The following CRYBG2 variants were observed in gnomAD, a reference collection of about 807,000 sequenced individuals.
The protein encoded by CRYBG2 is crystallin beta-gamma domain containing 2, also known as beta/gamma crystallin domain-containing protein 2.
In CRYBG2, 106 loss-of-function variants were observed where a neutral mutation model predicts 153.4. The observed-to-expected ratio is 0.69, with a 90% CI of 0.59 to 0.81. The LOEUF (loss-of-function observed/expected upper bound fraction) is 0.81. Ranked by LOEUF, CRYBG2 falls within the 30% of genes least tolerant of loss-of-function variation. The probability of loss-of-function intolerance (pLI) is 0.00; values close to 1 mark genes in which losing one functional copy is unlikely to be tolerated. For missense variants in CRYBG2, 1,996 were observed against 2,112.0 expected (o/e 0.95, Z 1.08); for synonymous variants, 851 against 877.8 (o/e 0.97, Z 0.54).
Position 26,325,604 on chromosome 1 carries a change from CACAGAT to C in CRYBG2, c.4579-1300_4579-1295del, listed in dbSNP as rs2073913766. The stretch of plus-strand genomic sequence containing the variant: ...AAAATTAAAAAAATGAATGCACTCC[CACAGAT>C]ACACACACACACACACACACACACA... On this transcript the variant is annotated intron_variant, in intron 17 of 19. Coordinates refer to ENST00000308182, the MANE Select transcript of CRYBG2 (RefSeq NM_001039775.4). This position sits in a 1 kb window ranked among gnomAD's most constrained non-coding sequence, Gnocchi z 4.1. Among the ~76,000 whole-genome samples the C allele has an allele frequency of 1.2e-5, 1 of 84,072 alleles. No homozygotes were observed. The highest frequency in any genetic ancestry group is 2.6e-4 in the South Asian group (1 of 3,886). 55.2% of individuals were successfully genotyped at this position (84,072 alleles called of 152,430 possible).
rs1440831227 is a variant in CRYBG2 at position 26,336,160 on chromosome 1, G to T, written c.4119C>A (p.Phe1373Leu). The change falls in exon 14 of 20, where the codon TTC becomes TTA. Residue 1373 changes from phenylalanine to leucine, a missense_variant. Phe to Leu is a conservative substitution (Grantham distance 22). Coordinates refer to ENST00000308182, the MANE Select transcript of CRYBG2 (RefSeq NM_001039775.4). The surrounding 1 kb of genome is among the most constrained non-coding windows in gnomAD (Gnocchi z 4.9). ...CGGGCAGAGCGGCCTGGTCATCTTC[G>T]AAAGAGAAGTGGTCGCCCAGAAAGT... is the stretch of plus-strand genomic sequence containing the variant. ...RPDFLGDHFS[F>L]EDDQAALPAS... is the part of the protein sequence containing the mutation. 1 of 1,545,998 alleles carries T rather than the reference G, an allele frequency of 6.5e-7. No individual in the cohort carries two copies. Among genetic ancestry groups the T allele is most frequent in the African/African-American group, 1.4e-5 (1 of 73,302 alleles).
intron 14 of CRYBG2, among the ~76,000 whole-genome samples, chr1:26,334,649 G>C (rs998362567): frequency 1.3e-5 from 2 of 152,164 alleles, no homozygotes; most frequent in Admixed American, 6.5e-5. Flanking sequence ...AAGAAGCCAG[G>C]CACGGTGGCT....
At chr1:26,332,788 G>A (rs1265677041) in intron 14 of CRYBG2, among the ~76,000 whole-genome samples, 3 of 151,838 alleles carry the variant, frequency 2.0e-5, no homozygotes, top group African/African-American at 7.3e-5. Context: ...TTACAGGCAT[G>A]AGCCACTGCA....
chr1:26,342,011 A>G (rs2074137040), intron 5 of CRYBG2, among the ~76,000 whole-genome samples: 1 of 152,144 alleles, frequency 6.6e-6, no homozygotes, highest in South Asian at 2.1e-4. Context: ...CCTGAAGGGC[A>G]AAGAGGAGAT....
At position 26,322,226 on chromosome 1, in the gene CRYBG2, C is replaced by T. The variant is rs756304822; in HGVS notation, c.4835G>A (p.Ser1612Asn). The T allele has an allele frequency of 3.1e-6, 5 of 1,614,216 alleles. No homozygotes were observed. Among genetic ancestry groups the T allele is most frequent in the Non-Finnish European group, 4.2e-6 (5 of 1,180,034 alleles). ...GCAGATGTGGCCCGATTCACTGATG[C>T]TCCACGTCTGGCGCGGCAGGCGGCT... is the stretch of plus-strand genomic sequence containing the variant. Reference protein sequence around the residue: ...AESRLPRQTWSISESGHICSQ... With the variant: ...AESRLPRQTWNISESGHICSQ... The change falls in exon 19 of 20, where the codon AGC (serine) becomes AAC (asparagine). Residue 1612 changes from serine (S) to asparagine (N), a missense_variant. Transcript: ENST00000308182.
rs780732688 is a variant in CRYBG2 at position 26,345,996 on chromosome 1, A to G, written c.662T>C (p.Val221Ala). 32 of 1,593,570 alleles carry G rather than the reference A, an allele frequency of 2.0e-5. No individual in the cohort carries two copies. The highest frequency in any genetic ancestry group is 6.7e-5 in the Admixed American group (4 of 59,668). Residue 221 changes from valine to alanine, a missense_variant, in exon 2 of 20, where the codon GTG becomes GCG. Val to Ala is a moderately conservative substitution (Grantham distance 64, BLOSUM62 0). Coordinates refer to ENST00000308182, the MANE Select transcript of CRYBG2 (RefSeq NM_001039775.4). Reference sequence around the variant, plus strand: ...GGGCGAGCCTGGTGGGGAGCCCACCACCACTGGCGGCACCATGCGGGAGAC... The same window carrying G: ...GGGCGAGCCTGGTGGGGAGCCCACCGCCACTGGCGGCACCATGCGGGAGAC... ...RQVSRMVPPV[V>A]VGSPPGSPSR...
intron 1 of CRYBG2, among the ~76,000 whole-genome samples, chr1:26,349,382 A>T (rs2074262769): frequency 6.6e-6 from 1 of 151,934 alleles, no homozygotes; most frequent in South Asian, 2.1e-4. Flanking sequence ...CCATCTTCTG[A>T]TTTCACATCC....
chr1:26,345,923 C>G lies in CRYBG2; in HGVS notation c.735G>C (p.Gly245=). The G allele has an allele frequency of 1.3e-6, 2 of 1,596,690 alleles. No homozygotes were observed. The highest frequency in any genetic ancestry group is 1.7e-6 in the Non-Finnish European group (2 of 1,178,858). ...GCAGGTGACTGGCAGGGGGGCTGTG[C>G]CCAGCAGGCACGAGGTTACTTAGCA... ...VKVLSNLVPA[G]HSPPASHLPR... is the part of the protein sequence containing the mutation. The change falls in exon 2 of 20, where the codon GGG becomes GGC. Residue 245 remains glycine (G), a synonymous_variant. Transcript: ENST00000308182.
chr1:26,348,906 C>T (rs1013824721), intron 1 of CRYBG2, among the ~76,000 whole-genome samples: 1 of 151,710 alleles, frequency 6.6e-6, no homozygotes, highest in African/African-American at 2.4e-5. Flanking sequence ...CGGTGGCTCA[C>T]GCCTGTAATC....
chr1:26,343,182 C>G lies in CRYBG2; in HGVS notation c.2962-23G>C. ...CACCTGAGAAGGCACAGAAGGGGTC[C>G]TCAGGCCCTGACCCCAGGCCCCTGC... On this transcript the variant is annotated intron_variant, in intron 3 of 19. Coordinates refer to ENST00000308182, the MANE Select transcript of CRYBG2 (RefSeq NM_001039775.4). The surrounding 1 kb of genome is among the most constrained non-coding windows in gnomAD (Gnocchi z 4.1). 6.4e-7 allele frequency: 1 copy of G among 1,550,656 alleles called. No individual in the cohort carries two copies. Among genetic ancestry groups the G allele is most frequent in the Non-Finnish European group, 8.7e-7 (1 of 1,146,974 alleles).
At chr1:26,328,636 G>T in intron 16 of CRYBG2, 98 bp downstream of exon 16, 3 of 1,484,340 alleles carry the variant, frequency 2.0e-6, no homozygotes, top group Non-Finnish European at 2.7e-6. Flanking sequence ...GGGGAAAAGT[G>T]GGGAGGGGAA....
At chr1:26,349,782 G>A (rs1046784453) in intron 1 of CRYBG2, among the ~76,000 whole-genome samples, 3 of 146,724 alleles carry the variant, frequency 2.0e-5, no homozygotes, top group Non-Finnish European at 4.5e-5. Context: ...ATGGATTAAT[G>A]AGTGATCATG....
intron 1 of CRYBG2, among the ~76,000 whole-genome samples, chr1:26,347,780 G>A (rs774094929): frequency 2.0e-4 from 31 of 152,006 alleles, no homozygotes; most frequent in South Asian, 4.2e-4. Flanking sequence ...GTGAGCCACC[G>A]TGCCCAGCCC....
In CRYBG2 at chr1:26,342,770, A is replaced by C. The variant is rs1309641050; in HGVS notation, c.3188T>G (p.Leu1063Arg). The C allele has an allele frequency of 6.2e-7, 1 of 1,613,774 alleles. No homozygotes were observed. The highest frequency in any genetic ancestry group is 2.2e-5 in the East Asian group (1 of 44,876). ...CTCACTCACCCAGACAACCCTCCTT[A>C]GGGAGCCGATGCCTTGGGGACTCCA... The part of the protein sequence containing the change: ...TKWSPQGIGS[L>R]RRVVWDYSTP... Residue 1063 changes from leucine (L) to arginine (R), a missense_variant, in exon 5 of 20, where the codon CTA (leucine) becomes CGA (arginine). Physicochemically the swap from Leu to Arg is moderately radical, Grantham distance 102. Transcript: ENST00000308182.
rs2073868530 is a variant in CRYBG2, at chr1:26,322,271, T to C, written c.4790A>G (p.Lys1597Arg). The C allele has an allele frequency of 1.2e-6, 2 of 1,613,970 alleles. No individual in the cohort carries two copies. The highest frequency in any genetic ancestry group is 1.7e-6 in the Non-Finnish European group (2 of 1,179,996). Residue 1597 changes from lysine to arginine, a missense_variant, in exon 19 of 20, where the codon AAG becomes AGG. By Grantham distance (26) the Lys-to-Arg change is conservative (BLOSUM62 2). Coordinates refer to ENST00000308182, the MANE Select transcript of CRYBG2 (RefSeq NM_001039775.4). The stretch of plus-strand genomic sequence containing the variant: ...GCGGCTCTCGGCCCACAGCACCACC[T>C]TGGAGCCTGGGCTAGGGGGTCCAAT... ...QVIGPPSPGS[K>R]VVLWAESRLP...
chr1:26,347,296 T>G (rs999750145), intron 1 of CRYBG2, among the ~76,000 whole-genome samples: 3 of 137,442 alleles, frequency 2.2e-5, no homozygotes, highest in East Asian at 2.1e-4. Flanking sequence ...TTTTTTTTTT[T>G]TTTTTTTTTT....
At chr1:26,350,743 G>A (rs72875104) in intron 1 of CRYBG2, among the ~76,000 whole-genome samples, 2,030 of 152,006 alleles carry the variant, frequency 0.013, 44 homozygotes, top group South Asian at 0.064. Flanking sequence ...ACTGACCAGG[G>A]CAATCCTATT....
intron 6 of CRYBG2, 92 bp downstream of exon 6, chr1:26,339,198 G>A (rs2074097841): frequency 6.7e-7 from 1 of 1,499,232 alleles, no homozygotes; most frequent in Admixed American, 2.1e-5. Flanking sequence ...GAGCACTCCT[G>A]AAGGCAGGAA....
At position 26,343,601 on chromosome 1, in the gene CRYBG2, G is replaced by T; in HGVS notation, c.2913+144C>A. 9.0e-7 allele frequency: 1 copy of T among 1,114,650 alleles called. No individual in the cohort carries two copies. The highest frequency in any genetic ancestry group is 2.9e-5 in the Admixed American group (1 of 34,444). 69.0% of individuals were successfully genotyped at this position (1,114,650 alleles called of 1,614,324 possible). ...GGAGATTGAGGCCCAGAGAGATGTG[G>T]CTTGCACAGGTCAACTGAACCAGAC... On this transcript the variant is annotated intron_variant, in intron 2 of 19. Transcript: ENST00000308182. The surrounding 1 kb of genome is among the most constrained non-coding windows in gnomAD (Gnocchi z 4.1).
Sources: allele counts gnomAD v4.1 joint callset (sites outside exome capture counted in the v4.1 genomes callset), GRCh38; gene constraint gnomAD v4.1.1; non-coding constraint Gnocchi (gnomAD v3.1); transcripts MANE v1.5; gene names NCBI Gene and HGNC (gene_info 2026-07-23, HGNC 2026-07-21).